The following SYCP1 variants were observed in gnomAD, a reference collection of about 807,000 sequenced individuals.
SYCP1 encodes the protein synaptonemal complex protein 1.
In SYCP1, 64 loss-of-function variants were observed where a neutral mutation model predicts 153.1. The observed-to-expected ratio is 0.42, with a 90% CI of 0.34 to 0.51. The LOEUF (loss-of-function observed/expected upper bound fraction) is 0.51, where lower values mean the gene tolerates loss of function less well. Ranked by LOEUF, SYCP1 falls within the 20% of genes least tolerant of loss-of-function variation. The pLI, the probability that SYCP1 is intolerant of heterozygous loss-of-function variation, is 0.06. For synonymous variants in SYCP1, 384 were observed against 341.8 expected (o/e 1.12, Z -1.36); for missense variants, 997 against 1,049.0 (o/e 0.95, Z 0.68).
intron 27 of SYCP1, among the ~76,000 whole-genome samples, chr1:114,961,522 G>A (rs897387900): frequency 2.0e-5 from 3 of 152,260 alleles, no homozygotes; most frequent in South Asian, 2.1e-4. Context: ...GTATCTCAGA[G>A]GCATTGATAG....
intron 27 of SYCP1, among the ~76,000 whole-genome samples, chr1:114,952,972 G>A (rs1158259207): frequency 6.6e-6 from 1 of 152,184 alleles, no homozygotes; most frequent in African/African-American, 2.4e-5. Context: ...CAAGATCAAG[G>A]TGCCAGCATC....
At chr1:114,971,143 T>C (rs1412894474) in intron 27 of SYCP1, among the ~76,000 whole-genome samples, 1 of 152,154 alleles carries the variant, frequency 6.6e-6, no homozygotes, top group African/African-American at 2.4e-5. Flanking sequence ...GTTTCTCAGG[T>C]AATGGGCAGA....
chr1:114,991,698 T>C (rs1673932996), intron 30 of SYCP1, among the ~76,000 whole-genome samples: 2 of 151,804 alleles, frequency 1.3e-5, no homozygotes, highest in South Asian at 4.1e-4. Flanking sequence ...GCTAACATCA[T>C]ACTCAATGGT....
intron 30 of SYCP1, among the ~76,000 whole-genome samples, chr1:114,993,213 A>G (rs1159624910): frequency 1.3e-5 from 2 of 151,580 alleles, no homozygotes; most frequent in African/African-American, 2.4e-5. Context: ...TAAGCTGGTC[A>G]GTTGGTACAC....
At chr1:114,897,232 C>T (rs1015054026) in intron 16 of SYCP1, among the ~76,000 whole-genome samples, 9 of 152,142 alleles carry the variant, frequency 5.9e-5, no homozygotes, top group Non-Finnish European at 1.2e-4. Context: ...GGGAAAACAG[C>T]AGTCAGATCT....
intron 29 of SYCP1, among the ~76,000 whole-genome samples, 186 bp from the exon 30 acceptor site, chr1:114,984,538 AC>A (rs751880529): frequency 4.1e-4 from 63 of 152,182 alleles, no homozygotes; most frequent in Non-Finnish European, 6.0e-4. Context: ...AAGAAAGACA[AC>A]TTATAGTATC....
intron 16 of SYCP1, among the ~76,000 whole-genome samples, chr1:114,899,829 C>T (rs749366798): frequency 1.4e-4 from 22 of 152,198 alleles, no homozygotes; most frequent in Non-Finnish European, 2.9e-5. Context: ...ATCCTGTTTA[C>T]CTCTTTTCTG....
chr1:114,981,554 T>G (rs376562029), intron 29 of SYCP1, 42 bp downstream of exon 29: 2 of 1,508,018 alleles, frequency 1.3e-6, no homozygotes, highest in South Asian at 2.5e-5. Context: ...ATTTTTTAAA[T>G]AAATAAATAA....
At chr1:114,869,079 A>C (rs1020078014) in intron 8 of SYCP1, among the ~76,000 whole-genome samples, 4 of 151,700 alleles carry the variant, frequency 2.6e-5, no homozygotes, top group Non-Finnish European at 5.9e-5. Flanking sequence ...TCTCCTTCTT[A>C]CTTTGGATTT....
chr1:114,927,012 T>C (rs1331985857), intron 23 of SYCP1, among the ~76,000 whole-genome samples: 1 of 152,224 alleles, frequency 6.6e-6, no homozygotes, highest in African/African-American at 2.4e-5. Flanking sequence ...ATTAGAGCCA[T>C]ATTTTGTAAT....
chr1:114,963,450 G>A (rs1671907182), intron 27 of SYCP1, among the ~76,000 whole-genome samples: 1 of 152,064 alleles, frequency 6.6e-6, no homozygotes, highest in African/African-American at 2.4e-5. Flanking sequence ...AGGTATACAT[G>A]TGCCATGGTG....
chr1:114,937,475 A>G lies in SYCP1; in HGVS notation c.1927-6864A>G, dbSNP rs1337377270. The stretch of plus-strand genomic sequence containing the variant: ...AAACCTAGGCGATACCATTCAGGAC[A>G]TAGGCATGGGCAAGGACTTCATGAC... On this transcript the variant is annotated intron_variant, in intron 23 of 31. Transcript: ENST00000369522. Among the ~76,000 whole-genome samples the G allele has an allele frequency of 5.9e-5, 9 of 152,350 alleles. No individual in the cohort carries two copies. In the South Asian group the frequency reaches 1.9e-3, roughly 32 times the overall value.
At chr1:114,859,605 TG>T in intron 6 of SYCP1, 137 bp from the exon 7 acceptor site, 1 of 360,660 alleles carries the variant, frequency 2.8e-6, no homozygotes, top group Non-Finnish European at 4.5e-6. Flanking sequence ...ATTACAAAAA[TG>T]TTTCCTTTTT....
At chr1:114,950,876 G>T (rs917291074) in intron 27 of SYCP1, among the ~76,000 whole-genome samples, 19 of 150,620 alleles carry the variant, frequency 1.3e-4, no homozygotes, top group Admixed American at 1.3e-3. Context: ...CCAGGCTGGA[G>T]TGCAGTGGTG....
At chr1:114,946,204 A>T (rs956185017) in intron 25 of SYCP1, 85 bp from the exon 26 acceptor site, 1 of 509,258 alleles carries the variant, frequency 2.0e-6, no homozygotes, top group African/African-American at 2.0e-5. Context: ...TAAATACTAA[A>T]TTAAATATTA....
chr1:114,899,220 G>A (rs1667259542), intron 16 of SYCP1, among the ~76,000 whole-genome samples: 1 of 152,160 alleles, frequency 6.6e-6, no homozygotes, highest in South Asian at 2.1e-4. Flanking sequence ...AATTCTAGAG[G>A]AACCAGGCAG....
chr1:114,911,852 C>T (rs1306987396), intron 18 of SYCP1, among the ~76,000 whole-genome samples: 1 of 151,992 alleles, frequency 6.6e-6, no homozygotes, highest in African/African-American at 2.4e-5. Flanking sequence ...TAAAAATAAT[C>T]ATTTTCAGTT....
At chr1:114,979,870 C>T (rs1673040208) in intron 28 of SYCP1, among the ~76,000 whole-genome samples, 1 of 151,736 alleles carries the variant, frequency 6.6e-6, no homozygotes, top group Admixed American at 6.6e-5. Flanking sequence ...GGAGAAAAGA[C>T]CATATGATGT....
chr1:114,903,134 T>G (rs1354429558), intron 16 of SYCP1, among the ~76,000 whole-genome samples: 1 of 152,092 alleles, frequency 6.6e-6, no homozygotes, highest in Non-Finnish European at 1.5e-5. Context: ...GAGCTGAGAT[T>G]GAACCACTGC....
Sources: allele counts gnomAD v4.1 joint callset (sites outside exome capture counted in the v4.1 genomes callset), GRCh38; gene constraint gnomAD v4.1.1; transcripts MANE v1.5; gene names NCBI Gene and HGNC (gene_info 2026-07-23, HGNC 2026-07-21).